Variants in PLCH1 observed in about 807,000 individuals in gnomAD.
PLCH1 encodes the protein phospholipase C eta 1, also known as 1-phosphatidylinositol 4,5-bisphosphate phosphodiesterase eta-1.
Under a neutral mutation model 126.7 loss-of-function variants are expected in PLCH1, and 60 were observed. That is an observed-to-expected ratio of 0.47 (90% CI 0.38 to 0.59). The LOEUF is 0.59. Among genes scored for constraint, PLCH1 ranks in the 20% least tolerant of loss-of-function variants. PLCH1 has a pLI of 0.00. For missense variants in PLCH1, 1,723 were observed against 2,040.0 expected (o/e 0.84, Z 2.99); for synonymous variants, 719 against 734.9 (o/e 0.98, Z 0.35).
intron 2 of PLCH1, among the ~76,000 whole-genome samples, chr3:155,630,953 A>C (rs1219604565): frequency 6.6e-6 from 1 of 152,230 alleles, no homozygotes; most frequent in Admixed American, 6.5e-5. Context: ...TGATTGAAGA[A>C]ATTTTTGGAA....
At chr3:155,650,613 C>T (rs562821244) in intron 2 of PLCH1, among the ~76,000 whole-genome samples, 77 of 152,208 alleles carry the variant, frequency 5.1e-4, no homozygotes, top group Non-Finnish European at 9.3e-4. Flanking sequence ...TAGTTGAATA[C>T]ATTCATAACA....
intron 1 of PLCH1, among the ~76,000 whole-genome samples, chr3:155,729,503 T>C (rs915017231): frequency 6.6e-6 from 1 of 152,156 alleles, no homozygotes; most frequent in Non-Finnish European, 1.5e-5. Flanking sequence ...GAGGGTTGCA[T>C]GGGAAGGACA....
chr3:155,523,457 A>AG (rs1404525720), intron 11 of PLCH1, among the ~76,000 whole-genome samples: 1 of 152,168 alleles, frequency 6.6e-6, no homozygotes, highest in Admixed American at 6.5e-5. Context: ...TTTCTTAAAG[A>AG]GGGCATGGGC....
intron 2 of PLCH1, among the ~76,000 whole-genome samples, chr3:155,617,827 T>C (rs1217510649): frequency 1.3e-5 from 2 of 152,178 alleles, no homozygotes; most frequent in African/African-American, 4.8e-5. Context: ...CCAGTCCCTG[T>C]ACAGGAGTCC....
chr3:155,615,708 C>T (rs186479287), intron 2 of PLCH1, among the ~76,000 whole-genome samples: 2 of 151,868 alleles, frequency 1.3e-5, no homozygotes, highest in Admixed American at 1.3e-4. Context: ...CAAGTGGGAG[C>T]TAAACTATGA....
At chr3:155,453,860 CA>C (rs1406798275) in intron 21 of PLCH1, among the ~76,000 whole-genome samples, 2 of 151,132 alleles carry the variant, frequency 1.3e-5, no homozygotes, top group Admixed American at 6.6e-5. Context: ...CATCTTTCTG[CA>C]AATTAAAAAT....
chr3:155,570,582 A>G (rs1230229132), intron 6 of PLCH1, among the ~76,000 whole-genome samples: 1 of 152,212 alleles, frequency 6.6e-6, no homozygotes, highest in Non-Finnish European at 1.5e-5. Flanking sequence ...TTTTACACAC[A>G]CAATCTTAAA....
intron 1 of PLCH1, among the ~76,000 whole-genome samples, chr3:155,711,790 A>C (rs1211416869): frequency 6.6e-6 from 1 of 152,184 alleles, no homozygotes; most frequent in African/African-American, 2.4e-5. Flanking sequence ...ACTCAGAGTA[A>C]GGCACAGATT....
intron 11 of PLCH1, among the ~76,000 whole-genome samples, chr3:155,522,822 C>T (rs1196992172): frequency 1.3e-5 from 2 of 151,766 alleles, no homozygotes; most frequent in Non-Finnish European, 2.9e-5. Flanking sequence ...GTGCTCCTCT[C>T]AGGTTGCTGT....
intron 12 of PLCH1, among the ~76,000 whole-genome samples, chr3:155,511,895 A>G (rs370130110): frequency 1.8e-4 from 28 of 152,200 alleles, no homozygotes; most frequent in South Asian, 1.5e-3. Context: ...TCGAGCTTCC[A>G]GGCTGCTTTG....
At chr3:155,491,663 C>G (rs571266116) in intron 18 of PLCH1, among the ~76,000 whole-genome samples, 105 of 152,252 alleles carry the variant, frequency 6.9e-4, no homozygotes, top group African/African-American at 2.4e-3. Flanking sequence ...AGTACCTACT[C>G]TAAGAGTCCA....
At chr3:155,533,696 G>A (rs139655726) in intron 10 of PLCH1, among the ~76,000 whole-genome samples, 2 of 152,202 alleles carry the variant, frequency 1.3e-5, no homozygotes, top group Non-Finnish European at 2.9e-5. Flanking sequence ...CTTCATGGCA[G>A]CCCCTCCCAT....
At chr3:155,723,718 T>A (rs563033725) in intron 1 of PLCH1, among the ~76,000 whole-genome samples, 1 of 152,180 alleles carries the variant, frequency 6.6e-6, no homozygotes, top group Non-Finnish European at 1.5e-5. Context: ...CATTTTGGGA[T>A]GCCAAGCCAG....
intron 10 of PLCH1, among the ~76,000 whole-genome samples, chr3:155,544,130 T>G (rs1262086035): frequency 6.6e-6 from 1 of 152,008 alleles, no homozygotes; most frequent in Non-Finnish European, 1.5e-5. Flanking sequence ...GTGTGCTGTA[T>G]TCAGGAAACC....
intron 19 of PLCH1, among the ~76,000 whole-genome samples, chr3:155,489,886 G>A (rs1392868834): frequency 6.6e-6 from 1 of 152,122 alleles, no homozygotes; most frequent in Non-Finnish European, 1.5e-5. Flanking sequence ...ATTATGAGCT[G>A]AAAAATCACT....
intron 2 of PLCH1, among the ~76,000 whole-genome samples, chr3:155,641,212 CA>C (rs1425989398): frequency 4.0e-5 from 6 of 150,506 alleles, no homozygotes; most frequent in African/African-American, 1.2e-4. Context: ...AAAAAAGTCA[CA>C]AAAACAAACT....
intron 2 of PLCH1, among the ~76,000 whole-genome samples, chr3:155,694,214 T>C (rs753438947): frequency 5.3e-5 from 8 of 152,186 alleles, no homozygotes; most frequent in Admixed American, 2.0e-4. Context: ...AAAATCTAAT[T>C]GGCTGCCCAC....
chr3:155,605,418 C>T (rs76999899), intron 2 of PLCH1, among the ~76,000 whole-genome samples: 2,661 of 152,212 alleles, frequency 0.017, 77 homozygotes, highest in African/African-American at 0.061. Flanking sequence ...TGAAAAATTA[C>T]CATTTGACTT....
At chr3:155,726,620 C>A (rs1748344696) in intron 1 of PLCH1, among the ~76,000 whole-genome samples, 1 of 151,584 alleles carries the variant, frequency 6.6e-6, no homozygotes, top group Non-Finnish European at 1.5e-5. Context: ...CAGCCATTAT[C>A]TCTTTAAATG....
Sources: gnomAD v4.1 joint callset for allele counts (sites outside exome capture counted in the v4.1 genomes callset) on GRCh38, gnomAD v4.1.1 for gene constraint, MANE v1.5 for transcripts, NCBI Gene and HGNC (gene_info 2026-07-23, HGNC 2026-07-21) for gene names.